PTPRO: variants seen among roughly 807,000 people sequenced by gnomAD.
The protein encoded by PTPRO is protein tyrosine phosphatase receptor type O, also known as receptor-type tyrosine-protein phosphatase O.
Under a neutral mutation model 145.2 loss-of-function variants are expected in PTPRO, and 62 were observed. The ratio of observed to expected loss-of-function variants is 0.43; its 90% CI spans 0.35 to 0.53. PTPRO has a LOEUF of 0.53. Ranked by LOEUF, PTPRO falls within the 20% of genes least tolerant of loss-of-function variation. The pLI, the probability that PTPRO is intolerant of heterozygous loss-of-function variation, is 0.01. For missense variants in PTPRO, 1,345 were observed against 1,482.7 expected (o/e 0.91, Z 1.53); for synonymous variants, 565 against 514.7 (o/e 1.10, Z -1.32).
intron 1 of PTPRO, chr12:15,439,490 A>G: frequency 4.7e-6 from 1 of 213,690 alleles, no homozygotes; most frequent in Non-Finnish European, 9.4e-6. Context: ...AGGTTGATAA[A>G]AATACAAGAC....
At chr12:15,583,052 A>T (rs1239140946) in intron 23 of PTPRO, among the ~76,000 whole-genome samples, 1 of 152,252 alleles carries the variant, frequency 6.6e-6, no homozygotes, top group East Asian at 1.9e-4. Flanking sequence ...GTTCTCACTG[A>T]GATGTTCTTC....
intron 1 of PTPRO, among the ~76,000 whole-genome samples, chr12:15,334,484 C>A (rs1866700052): frequency 6.6e-6 from 1 of 152,094 alleles, no homozygotes; most frequent in Admixed American, 6.5e-5. Flanking sequence ...GACTAACATA[C>A]AAAATATATG....
At chr12:15,526,370 T>A in intron 12 of PTPRO, 108 bp downstream of exon 12, 1 of 1,442,420 alleles carries the variant, frequency 6.9e-7, no homozygotes, top group Non-Finnish European at 9.6e-7. Flanking sequence ...AAATGGCTAA[T>A]TTTTTATGAG....
chr12:15,552,862 C>T (rs1943506130), intron 15 of PTPRO, among the ~76,000 whole-genome samples: 2 of 127,932 alleles, frequency 1.6e-5, no homozygotes, highest in Admixed American at 2.0e-4. Context: ...TGCAATGGTG[C>T]CATCTTGGTT....
intron 1 of PTPRO, among the ~76,000 whole-genome samples, chr12:15,383,601 A>T (rs1938931448): frequency 6.6e-6 from 1 of 152,180 alleles, no homozygotes; most frequent in Non-Finnish European, 1.5e-5. Context: ...ATTGGGTTAC[A>T]CCTTAATTTT....
intron 1 of PTPRO, among the ~76,000 whole-genome samples, chr12:15,399,455 A>G (rs1346470541): frequency 6.6e-6 from 1 of 152,194 alleles, no homozygotes; most frequent in Non-Finnish European, 1.5e-5. Flanking sequence ...GAAGCCCACT[A>G]GCATGCAGTA....
intron 1 of PTPRO, among the ~76,000 whole-genome samples, chr12:15,357,870 G>T (rs574617092): frequency 6.8e-6 from 1 of 146,818 alleles, no homozygotes; most frequent in African/African-American, 2.5e-5. Flanking sequence ...ATTTGACCCA[G>T]CCATCCCATT....
chr12:15,327,130 TTAAA>T (rs1340373115), intron 1 of PTPRO, among the ~76,000 whole-genome samples: 3 of 152,090 alleles, frequency 2.0e-5, no homozygotes, highest in African/African-American at 7.2e-5. Flanking sequence ...ATTATGGGAG[TTAAA>T]TAATCATAAC....
chr12:15,417,858 A>G lies in PTPRO; in HGVS notation c.76-66116A>G, dbSNP rs534166352. Among the ~76,000 whole-genome samples the G allele has an allele frequency of 2.6e-4, 40 of 151,750 alleles. No individual in the cohort carries two copies. The South Asian group carries it at 8.3e-3, about 31-fold the overall frequency. ...TCCTTTATGCATGCACTCAAATTAG[A>G]GCCTTTGTCATCTGAGTCTTTACAG... On this transcript the variant is annotated intron_variant, in intron 1 of 26. Coordinates refer to ENST00000281171, the MANE Select transcript of PTPRO (RefSeq NM_030667.3).
intron 1 of PTPRO, among the ~76,000 whole-genome samples, chr12:15,343,129 A>C (rs907633303): frequency 9.2e-5 from 14 of 152,192 alleles, no homozygotes; most frequent in African/African-American, 3.4e-4. Context: ...AGCATACAGG[A>C]AGATGAAAAA....
intron 1 of PTPRO, among the ~76,000 whole-genome samples, chr12:15,444,828 C>A (rs924954416): frequency 1.3e-5 from 2 of 152,084 alleles, no homozygotes; most frequent in African/African-American, 2.4e-5. Flanking sequence ...TGTTTATAAG[C>A]TATCTAGTCC....
Position 15,589,341 on chromosome 12 carries a change from A to C in PTPRO, c.3411-114A>C, listed in dbSNP as rs558731149. 5.4e-5 allele frequency: 77 copies of C among 1,434,554 alleles called. No homozygotes were observed. The East Asian group carries it at 1.7e-3, about 32-fold the overall frequency. 88.9% of individuals were successfully genotyped at this position (1,434,554 alleles called of 1,614,324 possible). ...CAGTGAGCCGAGATCATGCCATTGC[A>C]CTCCAGCCTGGGCAACAGAGCAAGA... On this transcript the variant is annotated intron_variant, in intron 24 of 26. Coordinates refer to ENST00000281171, the MANE Select transcript of PTPRO (RefSeq NM_030667.3).
At chr12:15,451,353 T>A (rs754995876) in intron 1 of PTPRO, among the ~76,000 whole-genome samples, 13 of 152,098 alleles carry the variant, frequency 8.5e-5, no homozygotes, top group African/African-American at 2.9e-4. Flanking sequence ...AAACAATTGC[T>A]ACTAGACCTA....
chr12:15,360,867 T>TATACACAC lies in PTPRO; in HGVS notation c.75+38066_75+38067insATACACAC, dbSNP rs1229965230. Among the ~76,000 whole-genome samples, 45 of 134,430 alleles carry TATACACAC rather than the reference T, an allele frequency of 3.3e-4. 3 individuals carry two copies. Among genetic ancestry groups the TATACACAC allele is most frequent in the African/African-American group, 1.2e-3 (43 of 36,270 alleles). 88.2% of individuals were successfully genotyped at this position (134,430 alleles called of 152,430 possible). On this transcript the variant is annotated intron_variant, in intron 1 of 26. Coordinates refer to ENST00000281171, the MANE Select transcript of PTPRO (RefSeq NM_030667.3). ...GTGTATATATGTGTGTGTATATATG[T>TATACACAC]GTGTATATACACACATACACATGTG... is the stretch of plus-strand genomic sequence containing the variant.
At position 15,380,921 on chromosome 12, in the gene PTPRO, A is replaced by G. The variant is rs1938841677; in HGVS notation, c.75+58120A>G. ...TTTTACCGCTGTGAATGGATTTTTT[A>G]AAGAAGGAGACATACTATATAGAAT... On this transcript the variant is annotated intron_variant, in intron 1 of 26. Transcript: ENST00000281171. Among the ~76,000 whole-genome samples the G allele has an allele frequency of 2.0e-5, 3 of 152,294 alleles. No individual in the cohort carries two copies. In the South Asian group the frequency reaches 6.2e-4, roughly 32 times the overall value.
At chr12:15,353,019 A>G (rs1025372980) in intron 1 of PTPRO, among the ~76,000 whole-genome samples, 1 of 152,234 alleles carries the variant, frequency 6.6e-6, no homozygotes, top group Non-Finnish European at 1.5e-5. Flanking sequence ...ATTTAATTTA[A>G]TTGTTGAAGA....
intron 1 of PTPRO, among the ~76,000 whole-genome samples, chr12:15,470,199 A>G (rs908247117): frequency 6.6e-6 from 1 of 152,216 alleles, no homozygotes; most frequent in Non-Finnish European, 1.5e-5. Flanking sequence ...CATTTGGGAA[A>G]TCATCTTGGC....
chr12:15,453,082 G>T (rs970202832), intron 1 of PTPRO, among the ~76,000 whole-genome samples: 2 of 151,824 alleles, frequency 1.3e-5, no homozygotes, highest in Non-Finnish European at 2.9e-5. Context: ...ACCCATCATA[G>T]AAAATAATTT....
chr12:15,435,833 T>C (rs143109419), intron 1 of PTPRO, among the ~76,000 whole-genome samples: 1 of 152,328 alleles, frequency 6.6e-6, no homozygotes, highest in East Asian at 1.9e-4. Flanking sequence ...AGCTGCACCA[T>C]TGAAAACATT....
Sources: allele counts gnomAD v4.1 joint callset (sites outside exome capture counted in the v4.1 genomes callset), GRCh38; gene constraint gnomAD v4.1.1; transcripts MANE v1.5; gene names NCBI Gene and HGNC (gene_info 2026-07-23, HGNC 2026-07-21).